The following CCSER1 variants were observed in gnomAD, a reference collection of about 807,000 sequenced individuals.
The protein encoded by CCSER1 is coiled-coil serine rich protein 1.
In CCSER1, 41 loss-of-function variants were observed where a neutral mutation model predicts 82.0. That is an observed-to-expected ratio of 0.50 (90% CI 0.39 to 0.65). The LOEUF is 0.65. CCSER1 is among the 30% of genes least tolerant of loss of function. The pLI is 0.00. For synonymous variants in CCSER1, 414 were observed against 383.9 expected (o/e 1.08, Z -0.92); for missense variants, 1,119 against 1,064.2 (o/e 1.05, Z -0.72).
At chr4:91,578,199 G>A (rs369782208) in intron 10 of CCSER1, among the ~76,000 whole-genome samples, 2 of 151,988 alleles carry the variant, frequency 1.3e-5, no homozygotes, top group South Asian at 2.1e-4. Context: ...CTTGTCTTCT[G>A]TCAATATCCA....
At chr4:91,058,305 C>T (rs751570396) in intron 9 of CCSER1, among the ~76,000 whole-genome samples, 4 of 151,996 alleles carry the variant, frequency 2.6e-5, no homozygotes, top group Non-Finnish European at 5.9e-5. Flanking sequence ...GAATACTATG[C>T]AGCTTTAAAA....
intron 6 of CCSER1, among the ~76,000 whole-genome samples, chr4:90,675,164 C>T (rs544737319): frequency 5.3e-5 from 8 of 151,712 alleles, no homozygotes; most frequent in South Asian, 2.1e-4. Context: ...AAGACTGTGA[C>T]GAGGATAAAA....
At chr4:91,094,880 G>C (rs1292422146) in intron 10 of CCSER1, among the ~76,000 whole-genome samples, 2 of 152,254 alleles carry the variant, frequency 1.3e-5, no homozygotes, top group Admixed American at 1.3e-4. Flanking sequence ...TTTTGTAAAG[G>C]AAATGGTGTC....
chr4:90,481,502 G>C (rs1391490166), intron 5 of CCSER1, among the ~76,000 whole-genome samples: 9 of 152,270 alleles, frequency 5.9e-5, no homozygotes, highest in African/African-American at 2.2e-4. Context: ...ATATGGCTGT[G>C]GGTTTGTCAT....
intron 8 of CCSER1, among the ~76,000 whole-genome samples, chr4:90,817,365 C>T (rs1344445205): frequency 6.6e-6 from 1 of 151,918 alleles, no homozygotes; most frequent in Non-Finnish European, 1.5e-5. Context: ...AGTTTTAAAA[C>T]ATTCATATAC....
intron 8 of CCSER1, among the ~76,000 whole-genome samples, chr4:90,893,791 G>T (rs1396509166): frequency 7.7e-6 from 1 of 130,110 alleles, no homozygotes; most frequent in Non-Finnish European, 1.7e-5. Context: ...GTGTGTGTGT[G>T]TGGGGGGTGA....
intron 7 of CCSER1, among the ~76,000 whole-genome samples, chr4:90,746,073 A>G (rs373599162): frequency 6.6e-6 from 1 of 152,090 alleles, no homozygotes; most frequent in Non-Finnish European, 1.5e-5. Flanking sequence ...GCCCAATTCA[A>G]TGCCATCTCC....
At chr4:91,438,736 A>C (rs1035881647) in intron 10 of CCSER1, among the ~76,000 whole-genome samples, 1 of 152,192 alleles carries the variant, frequency 6.6e-6, no homozygotes, top group Non-Finnish European at 1.5e-5. Flanking sequence ...ACTTTCAAAA[A>C]AATTTAGACA....
At chr4:90,986,970 C>T (rs1266420552) in intron 9 of CCSER1, among the ~76,000 whole-genome samples, 1 of 151,452 alleles carries the variant, frequency 6.6e-6, no homozygotes, top group African/African-American at 2.4e-5. Context: ...TCGGGTTAGA[C>T]ACGTACTGTA....
intron 3 of CCSER1, among the ~76,000 whole-genome samples, chr4:90,345,656 A>T (rs1414951768): frequency 2.0e-5 from 3 of 152,068 alleles, no homozygotes; most frequent in Non-Finnish European, 4.4e-5. Flanking sequence ...AAAAACGTTT[A>T]TTGAACTTAT....
At chr4:90,206,625 A>G (rs1304661402) in intron 1 of CCSER1, among the ~76,000 whole-genome samples, 1 of 151,892 alleles carries the variant, frequency 6.6e-6, no homozygotes, top group Non-Finnish European at 1.5e-5. Flanking sequence ...TATTTGGTCA[A>G]TTTTAGAATA....
chr4:90,861,926 A>T (rs55716491), intron 8 of CCSER1, among the ~76,000 whole-genome samples: 27,355 of 125,014 alleles, frequency 0.22, 2,939 homozygotes, highest in East Asian at 0.26. Context: ...ATATATATAT[A>T]TTTTTTTTTT....
intron 5 of CCSER1, among the ~76,000 whole-genome samples, chr4:90,540,375 A>G (rs753342778): frequency 1.4e-4 from 22 of 152,206 alleles, no homozygotes; most frequent in Admixed American, 7.9e-4. Flanking sequence ...GATAAGGCCT[A>G]TTATAAAAAT....
intron 1 of CCSER1, among the ~76,000 whole-genome samples, chr4:90,292,146 A>C (rs1239015101): frequency 6.6e-6 from 1 of 151,918 alleles, no homozygotes; most frequent in African/African-American, 2.4e-5. Flanking sequence ...TGTCTTTACT[A>C]TCATTTTGCT....
chr4:90,515,512 C>G (rs1283238813), intron 5 of CCSER1, among the ~76,000 whole-genome samples: 1 of 152,010 alleles, frequency 6.6e-6, no homozygotes, highest in Admixed American at 6.6e-5. Flanking sequence ...TTTATTTAAG[C>G]CTTTATTCTC....
chr4:90,848,157 G>A (rs1763432767), intron 8 of CCSER1, among the ~76,000 whole-genome samples: 1 of 152,132 alleles, frequency 6.6e-6, no homozygotes, highest in African/African-American at 2.4e-5. Context: ...CACTATGTAA[G>A]GGGGTAGGAA....
intron 10 of CCSER1, among the ~76,000 whole-genome samples, chr4:91,248,385 A>C (rs2149141465): frequency 6.6e-6 from 1 of 152,342 alleles, no homozygotes; most frequent in East Asian, 1.9e-4. Flanking sequence ...ATAGCAGAGA[A>C]ACTGGAAAAA....
intron 9 of CCSER1, among the ~76,000 whole-genome samples, chr4:91,082,203 G>T (rs979115505): frequency 3.3e-5 from 5 of 152,114 alleles, no homozygotes; most frequent in Non-Finnish European, 7.4e-5. Context: ...CATGGTACTG[G>T]TACCAAAACA....
chr4:91,523,628 T>C (rs1760620714), intron 10 of CCSER1, among the ~76,000 whole-genome samples: 2 of 152,218 alleles, frequency 1.3e-5, no homozygotes, highest in Non-Finnish European at 2.9e-5. Flanking sequence ...CAGGAATTTA[T>C]CCTTTTCTTT....
Sources: allele counts gnomAD v4.1 joint callset (sites outside exome capture counted in the v4.1 genomes callset), GRCh38; gene constraint gnomAD v4.1.1; transcripts MANE v1.5; gene names NCBI Gene and HGNC (gene_info 2026-07-23, HGNC 2026-07-21).